Variants in PRDM6 observed in about 807,000 individuals in gnomAD.
The protein encoded by PRDM6 is putative histone-lysine N-methyltransferase PRDM6.
Under a neutral mutation model 60.8 loss-of-function variants are expected in PRDM6, and 25 were observed. The observed-to-expected ratio is 0.41, with a 90% CI of 0.30 to 0.57. The LOEUF (loss-of-function observed/expected upper bound fraction) is 0.57, where lower values mean the gene tolerates loss of function less well. Ranked by LOEUF, PRDM6 falls within the 20% of genes least tolerant of loss-of-function variation. The pLI is 0.27. For synonymous variants in PRDM6, 407 were observed against 357.4 expected, an observed-to-expected ratio of 1.14 and a Z score of -1.57; for missense variants, 839 against 821.3, an observed-to-expected ratio of 1.02 and a Z score of -0.26.
At chr5:123,128,459 T>C (rs1764743551) in intron 3 of PRDM6, among the ~76,000 whole-genome samples, 1 of 152,218 alleles carries the variant, frequency 6.6e-6, no homozygotes, top group Non-Finnish European at 1.5e-5. Flanking sequence ...ATGATCACCA[T>C]TGTAACTGGC....
chr5:123,144,052 G>C (rs1303869283), intron 3 of PRDM6, among the ~76,000 whole-genome samples: 1 of 152,152 alleles, frequency 6.6e-6, no homozygotes, highest in African/African-American at 2.4e-5. Context: ...CTAAATTTGA[G>C]GCTCTTTATG....
intron 5 of PRDM6, among the ~76,000 whole-genome samples, chr5:123,168,683 C>G (rs1027182811): frequency 4.6e-5 from 7 of 152,232 alleles, no homozygotes; most frequent in African/African-American, 1.7e-4. Flanking sequence ...AGGTTAAGAA[C>G]TGCCAACTAG....
In PRDM6 at chr5:123,171,113, C is replaced by A. The variant is rs749989053; in HGVS notation, c.1496+5C>A. The A allele has an allele frequency of 3.3e-6, 5 of 1,521,680 alleles. No individual in the cohort carries two copies. Among genetic ancestry groups the A allele is most frequent in the Non-Finnish European group, 4.4e-6 (5 of 1,130,192 alleles). 94.3% of individuals were successfully genotyped at this position (1,521,680 alleles called of 1,614,324 possible). ...GTGCACGCAGAACCCCGACAGGTAA[C>A]CCTGACTCTCACTGCTGACAGTGTG... On this transcript the variant is annotated splice_donor_5th_base_variant and intron_variant, in intron 6 of 7. Coordinates refer to ENST00000407847, the MANE Select transcript of PRDM6 (RefSeq NM_001136239.4).
At chr5:123,098,359 A>T (rs1214757422) in intron 2 of PRDM6, among the ~76,000 whole-genome samples, 2 of 152,224 alleles carry the variant, frequency 1.3e-5, no homozygotes, top group Non-Finnish European at 2.9e-5. Context: ...TCCTCAGGGA[A>T]GCTGGGCCAA....
At chr5:123,091,967 C>T (rs77526606) in intron 2 of PRDM6, among the ~76,000 whole-genome samples, 136 of 152,014 alleles carry the variant, frequency 8.9e-4, no homozygotes, top group African/African-American at 2.9e-3. Context: ...GCAACTGCCT[C>T]GTGGTTGAGG....
At chr5:123,150,329 C>A (rs1300775430) in intron 3 of PRDM6, among the ~76,000 whole-genome samples, 1 of 152,174 alleles carries the variant, frequency 6.6e-6, no homozygotes, top group East Asian at 1.9e-4. Context: ...GTACTCTACA[C>A]CCTATGGTCG....
At chr5:123,110,319 C>T (rs1444575937) in intron 3 of PRDM6, among the ~76,000 whole-genome samples, 1 of 139,146 alleles carries the variant, frequency 7.2e-6, no homozygotes. Context: ...AGTGCAGTGG[C>T]ACAATCCCGG....
chr5:123,139,186 A>C (rs1765042184), intron 3 of PRDM6, among the ~76,000 whole-genome samples: 1 of 152,184 alleles, frequency 6.6e-6, no homozygotes, highest in Non-Finnish European at 1.5e-5. Context: ...TAAATTACCC[A>C]GTCTTTTGTA....
At position 123,159,638 on chromosome 5, in the gene PRDM6, T is replaced by G; in HGVS notation, c.1153T>G (p.Leu385Val). The change falls in exon 5 of 8, where the codon TTA becomes GTA. Residue 385 changes from leucine to valine, a missense_variant and splice_region_variant. This residue lies in a region of PRDM6 where 730 missense variants were observed against 648.8 expected (regional missense o/e 1.13). Transcript: ENST00000407847. ...ACAATGCATTGCCCAGGATGAAAAC[T>G]GTAAGAATTTATTTTAGCTCTGAAT... Reference protein sequence around the residue: ...PLQCIAQDENLNVPSTVMEAM... With the variant: ...PLQCIAQDENVNVPSTVMEAM... 6.4e-7 allele frequency: 1 copy of G among 1,550,718 alleles called. No individual in the cohort carries two copies. Among genetic ancestry groups the G allele is most frequent in the Non-Finnish European group, 8.7e-7 (1 of 1,146,500 alleles).
chr5:123,177,777 G>A (rs546433900), intron 6 of PRDM6, among the ~76,000 whole-genome samples: 28 of 152,252 alleles, frequency 1.8e-4, no homozygotes, highest in South Asian at 1.0e-3. Context: ...GAACAAGCAT[G>A]AGATGCAAGA....
chr5:123,155,455 A>G (rs1301102634), intron 3 of PRDM6, among the ~76,000 whole-genome samples: 1 of 151,784 alleles, frequency 6.6e-6, no homozygotes, highest in Non-Finnish European at 1.5e-5. Context: ...TTGAACAGAC[A>G]GTTACTGCCT....
chr5:123,090,033 C>G lies in PRDM6; in HGVS notation c.19C>G (p.Pro7Ala). Reference protein sequence around the residue: MLKPGDPGGSAFLKVDP... With the variant: MLKPGDAGGSAFLKVDP... ...GCCGGACATGCTGAAGCCCGGAGAC[C>G]CCGGCGGTTCGGCCTTCCTCAAAGT... is the stretch of plus-strand genomic sequence containing the variant. Residue 7 changes from proline (P) to alanine (A), a missense_variant, in exon 2 of 8, where the codon CCC becomes GCC. By Grantham distance (27) the Pro-to-Ala change is conservative. Coordinates refer to ENST00000407847, the MANE Select transcript of PRDM6 (RefSeq NM_001136239.4). 1.3e-6 allele frequency: 2 copies of G among 1,548,050 alleles called. No individual in the cohort carries two copies. Among genetic ancestry groups the G allele is most frequent in the South Asian group, 2.4e-5 (2 of 84,036 alleles).
chr5:123,170,716 A>ATT (rs1765868010), intron 5 of PRDM6, 50 bp from the exon 6 acceptor site: 4 of 1,277,958 alleles, frequency 3.1e-6, no homozygotes, highest in Non-Finnish European at 2.2e-6. Context: ...TATTGTGCTT[A>ATT]TTTTAAAGGC....
At position 123,099,852 on chromosome 5, in the gene PRDM6, C is replaced by T; in HGVS notation, c.791C>T (p.Ala264Val). The change falls in exon 3 of 8, where the codon GCG becomes GTG. Residue 264 changes from alanine (A) to valine (V), a missense_variant. By Grantham distance (64) the Ala-to-Val change is moderately conservative (BLOSUM62 0). This residue lies in a region of PRDM6 where 730 missense variants were observed against 648.8 expected (regional missense o/e 1.13). Transcript: ENST00000407847. This position sits in a 1 kb window ranked among gnomAD's most constrained non-coding sequence, Gnocchi z 4.0. ...CCCGGCCTGGCCTACGGCATCTGCG[C>T]GGCGCAGAGGATCCAGCAAGGCACC... ...TVPGLAYGIC[A>V]AQRIQQGTWI... The T allele has an allele frequency of 6.4e-7, 1 of 1,550,492 alleles. No individual in the cohort carries two copies.
chr5:123,136,351 C>A (rs191261315), intron 3 of PRDM6, among the ~76,000 whole-genome samples: 18 of 152,152 alleles, frequency 1.2e-4, no homozygotes, highest in African/African-American at 4.1e-4. Context: ...TTATAGGGTT[C>A]ATGTTGGCCG....
intron 3 of PRDM6, among the ~76,000 whole-genome samples, chr5:123,128,315 C>G (rs562835394): frequency 6.6e-6 from 1 of 152,320 alleles, no homozygotes; most frequent in South Asian, 2.1e-4. Context: ...AATGGTATTT[C>G]TAGTTCCAGA....
At chr5:123,148,911 C>T (rs1765311792) in intron 3 of PRDM6, among the ~76,000 whole-genome samples, 1 of 152,100 alleles carries the variant, frequency 6.6e-6, no homozygotes, top group Non-Finnish European at 1.5e-5. Flanking sequence ...ATTTCCCAAC[C>T]ATATAACTGA....
At chr5:123,146,690 G>T (rs1291211645) in intron 3 of PRDM6, among the ~76,000 whole-genome samples, 1 of 152,174 alleles carries the variant, frequency 6.6e-6, no homozygotes, top group Non-Finnish European at 1.5e-5. Context: ...CACAGTCTGA[G>T]ATTATTTGCA....
chr5:123,147,388 A>C (rs1244248836), intron 3 of PRDM6, among the ~76,000 whole-genome samples: 1 of 151,602 alleles, frequency 6.6e-6, no homozygotes, highest in African/African-American at 2.4e-5. Flanking sequence ...TTTCCTTTTT[A>C]GTGTTGATGT....
Sources: allele counts gnomAD v4.1 joint callset (sites outside exome capture counted in the v4.1 genomes callset), GRCh38; gene constraint gnomAD v4.1.1; regional missense constraint gnomAD v4.1.1; non-coding constraint Gnocchi (gnomAD v3.1); transcripts MANE v1.5; gene names NCBI Gene and HGNC (gene_info 2026-07-23, HGNC 2026-07-21).